TBC1D21: variants seen among roughly 807,000 people sequenced by gnomAD.
TBC1D21 encodes male germ cell Rab GTPase-activating protein.
TBC1D21 carries 38 observed loss-of-function variants against 46.0 expected under a neutral mutation model. That is an observed-to-expected ratio of 0.83 (90% CI 0.64 to 1.08). The LOEUF is 1.08. Ranked by LOEUF, TBC1D21 falls within the 50% of genes least tolerant of loss-of-function variation. The probability of loss-of-function intolerance (pLI) is 0.00; values close to 1 mark genes in which losing one functional copy is unlikely to be tolerated. For missense variants in TBC1D21, 415 were observed against 417.9 expected, an observed-to-expected ratio of 0.99 and a Z score of 0.06; for synonymous variants, 151 against 157.2, an observed-to-expected ratio of 0.96 and a Z score of 0.29.
At chr15:73,898,880 A>AAAAAAATATATATATAT in the TBC1D21 span, among the ~76,000 whole-genome samples, 122 of 56,666 alleles carry the variant, frequency 2.2e-3, 1 homozygote, top group South Asian at 3.7e-3. Context: ...AAAAAAAAAA[A>AAAAAAATATATATATAT]ATATATATAT....
intron 3 of TBC1D21, among the ~76,000 whole-genome samples, chr15:73,883,863 C>T (rs1595822935): frequency 6.6e-6 from 1 of 152,192 alleles, no homozygotes; most frequent in East Asian, 1.9e-4. Context: ...AAGACTTGCC[C>T]CCAGTGGCAG....
chr15:73,907,166 C>A, the TBC1D21 span, among the ~76,000 whole-genome samples: 1 of 152,042 alleles, frequency 6.6e-6, no homozygotes, highest in Non-Finnish European at 1.5e-5. Flanking sequence ...TTCCCCCAGT[C>A]TGAGCCCTCA....
intron 4 of TBC1D21, 51 bp downstream of exon 4, chr15:73,884,296 AC>A: frequency 6.6e-7 from 1 of 1,511,718 alleles, no homozygotes; most frequent in East Asian, 2.3e-5. Flanking sequence ...CTTGAAGCCA[AC>A]CCTGCCCCCT....
Position 73,889,140 on chromosome 15 carries a change from G to A in TBC1D21, c.*39G>A, listed in dbSNP as rs1258565025. On this transcript the variant is annotated 3_prime_UTR_variant, in exon 11 of 11. Transcript: ENST00000300504. ...CGCAGTGGACTGATGCCTTCGATGG[G>A]CAGGATGAAGGCCAGGGGCACTGGA... 1 of 1,606,376 alleles carries A rather than the reference G, an allele frequency of 6.2e-7. No individual in the cohort carries two copies. The highest frequency in any genetic ancestry group is 8.5e-7 in the Non-Finnish European group (1 of 1,175,670).
At chr15:73,893,979 T>A (rs749110502), downstream of TBC1D21, among the ~76,000 whole-genome samples, 46 of 152,220 alleles carry the variant, frequency 3.0e-4, no homozygotes, top group Non-Finnish European at 5.0e-4. Flanking sequence ...AGCACTCGCA[T>A]GCTTTATCTA....
At position 73,877,853 on chromosome 15, in the gene TBC1D21, C is replaced by T. The variant is rs149441419; in HGVS notation, c.61-3546C>T. On this transcript the variant is annotated intron_variant, in intron 1 of 10. Transcript: ENST00000300504. ...TCAACAGATGCAGAACATTATTTGA[C>T]AAAATCCAACATCCATTCCTAATTA... Among the ~76,000 whole-genome samples, 378 of 152,224 alleles carry T rather than the reference C, an allele frequency of 2.5e-3. 1 individual carries two copies. Among genetic ancestry groups the T allele is most frequent in the African/African-American group, 8.7e-3 (361 of 41,534 alleles).
rs1321462090 is a variant in TBC1D21, at chr15:73,876,223, T to G, written c.60+2454T>G. 1.3e-3 allele frequency among the ~76,000 whole-genome samples: 66 copies of G among 51,238 alleles called. 5 individuals are homozygous for G. Among genetic ancestry groups the G allele is most frequent in the African/African-American group, 4.5e-3 (36 of 8,028 alleles). The allele number at this position is 51,238 out of a possible 152,430, so 33.6% of individuals were successfully genotyped here. On this transcript the variant is annotated intron_variant, in intron 1 of 10. Coordinates refer to ENST00000300504, the MANE Select transcript of TBC1D21 (RefSeq NM_153356.3). ...GGTTTTTTTTTTTTTTTTTTTTTTT[T>G]TTTTTTTTTTTTTTTTTTTTTTGAG...
At chr15:73,902,664 G>C in the TBC1D21 span, among the ~76,000 whole-genome samples, 1 of 152,174 alleles carries the variant, frequency 6.6e-6, no homozygotes, top group Admixed American at 6.5e-5. Context: ...CTGTGCAGTA[G>C]GTCTTTCTCA....
At position 73,884,771 on chromosome 15, in the gene TBC1D21, T is replaced by C. The variant is rs755817201; in HGVS notation, c.368-10T>C. On this transcript the variant is annotated splice_polypyrimidine_tract_variant and intron_variant, in intron 4 of 10. Coordinates refer to ENST00000300504, the MANE Select transcript of TBC1D21 (RefSeq NM_153356.3). ...TGGTGCCACCTACTTGCCCCTTGCT[T>C]CCAACCTAGCACGTGACATTCAGAA... The C allele has an allele frequency of 2.5e-6, 4 of 1,611,566 alleles. No homozygotes were observed. The Admixed American group carries it at 6.7e-5, about 27-fold the overall frequency.
intron 1 of TBC1D21, among the ~76,000 whole-genome samples, chr15:73,879,451 C>G (rs1464184682): frequency 6.6e-6 from 1 of 152,160 alleles, no homozygotes. Flanking sequence ...CTCCTGACCT[C>G]AAGTGATCTG....
chr15:73,909,029 C>T, the TBC1D21 span, among the ~76,000 whole-genome samples: 48 of 152,294 alleles, frequency 3.2e-4, no homozygotes, highest in African/African-American at 1.0e-3. Context: ...TCTGCATCCT[C>T]GTCTGCAAAG....
At chr15:73,874,120 G>A (rs2068017463) in intron 1 of TBC1D21, among the ~76,000 whole-genome samples, 1 of 152,206 alleles carries the variant, frequency 6.6e-6, no homozygotes, top group South Asian at 2.1e-4. Flanking sequence ...GCTTTTGTTA[G>A]TAGGTAGTTC....
chr15:73,897,852 G>C, the TBC1D21 span, among the ~76,000 whole-genome samples: 1 of 152,234 alleles, frequency 6.6e-6, no homozygotes, highest in Non-Finnish European at 1.5e-5. Flanking sequence ...GACCAGGGGA[G>C]CCTCGGGTTT....
the TBC1D21 span, among the ~76,000 whole-genome samples, chr15:73,897,799 C>T: frequency 3.3e-5 from 5 of 152,232 alleles, no homozygotes; most frequent in South Asian, 2.1e-4. Flanking sequence ...AGAGGCCCTA[C>T]GCCTTGTACT....
chr15:73,893,897 G>A (rs1441288343), downstream of TBC1D21, among the ~76,000 whole-genome samples: 2 of 152,210 alleles, frequency 1.3e-5, no homozygotes, highest in African/African-American at 4.8e-5. Flanking sequence ...ACAAGGGCAC[G>A]TGACCCCTAC....
Position 73,888,427 on chromosome 15 carries a change from C to T in TBC1D21, c.895-3C>T. ...CCACAACTGCTCCCACACTCCCATG[C>T]AGGCCTGCAACAACCTCATCGACCT... On this transcript the variant is annotated splice_region_variant and splice_polypyrimidine_tract_variant and intron_variant, in intron 9 of 10. Coordinates refer to ENST00000300504, the MANE Select transcript of TBC1D21 (RefSeq NM_153356.3). 6.2e-7 allele frequency: 1 copy of T among 1,613,176 alleles called. No homozygotes were observed. Among genetic ancestry groups the T allele is most frequent in the Non-Finnish European group, 8.5e-7 (1 of 1,179,614 alleles).
chr15:73,900,158 C>G, the TBC1D21 span, among the ~76,000 whole-genome samples: 1 of 152,234 alleles, frequency 6.6e-6, no homozygotes, highest in East Asian at 1.9e-4. Flanking sequence ...GAGGGCTGAG[C>G]TGCCAGCCCT....
chr15:73,883,449 C>T (rs1331426055), intron 3 of TBC1D21, among the ~76,000 whole-genome samples: 1 of 152,244 alleles, frequency 6.6e-6, no homozygotes, highest in Non-Finnish European at 1.5e-5. Flanking sequence ...TACCTCCCAG[C>T]TTGTGTGGCT....
At chr15:73,899,338 G>A in the TBC1D21 span, among the ~76,000 whole-genome samples, 1 of 152,096 alleles carries the variant, frequency 6.6e-6, no homozygotes, top group Non-Finnish European at 1.5e-5. Flanking sequence ...CTGCCATCTG[G>A]TGCAGTCCCT....
Sources: gnomAD v4.1 joint callset for allele counts (sites outside exome capture counted in the v4.1 genomes callset) on GRCh38, gnomAD v4.1.1 for gene constraint, MANE v1.5 for transcripts, NCBI Gene and HGNC (gene_info 2026-07-23, HGNC 2026-07-21) for gene names.